PLXNA4: variants seen among roughly 807,000 people sequenced by gnomAD.
The protein encoded by PLXNA4 is plexin-A4.
PLXNA4 carries 44 observed loss-of-function variants against 191.8 expected under a neutral mutation model. The observed-to-expected ratio is 0.23, with a 90% CI of 0.18 to 0.29. The LOEUF (loss-of-function observed/expected upper bound fraction) is 0.29. Among genes scored for constraint, PLXNA4 ranks in the 10% least tolerant of loss-of-function variants. The pLI is 1.00. For synonymous variants in PLXNA4, 1,082 were observed against 1,009.5 expected (o/e 1.07, Z -1.36); for missense variants, 1,800 against 2,488.8 (o/e 0.72, Z 5.89).
chr7:132,601,207 A>T (rs1171567748), intron 2 of PLXNA4, among the ~76,000 whole-genome samples: 1 of 152,162 alleles, frequency 6.6e-6, no homozygotes, highest in Non-Finnish European at 1.5e-5. Context: ...TTCCTGAAGG[A>T]ATATTTAATG....
upstream of PLXNA4, among the ~76,000 whole-genome samples, chr7:132,578,203 C>G (rs910156994): frequency 1.3e-5 from 2 of 152,146 alleles, no homozygotes; most frequent in South Asian, 2.1e-4. Context: ...CAAGAGAAAC[C>G]GAAGGGATTC....
intron 1 of PLXNA4, among the ~76,000 whole-genome samples, chr7:132,570,494 C>A (rs1801929331): frequency 1.3e-5 from 2 of 152,178 alleles, no homozygotes; most frequent in African/African-American, 4.8e-5. Context: ...CTCCACACTA[C>A]CAAAAGGGAA....
chr7:132,134,257 C>A (rs1354812890), intron 30 of PLXNA4, among the ~76,000 whole-genome samples: 1 of 152,176 alleles, frequency 6.6e-6, no homozygotes, highest in Non-Finnish European at 1.5e-5. Flanking sequence ...TGCACCCCAG[C>A]CCTGTGTCTT....
At chr7:132,577,329 GC>G (rs1225485815), upstream of PLXNA4, 1 of 152,288 alleles carries the variant, frequency 6.6e-6, no homozygotes, top group African/African-American at 2.4e-5. Flanking sequence ...GCCCGGCCAA[GC>G]GCTGCAAAAA....
intron 3 of PLXNA4, among the ~76,000 whole-genome samples, chr7:132,318,341 A>G (rs1055245833): frequency 2.0e-5 from 3 of 152,228 alleles, no homozygotes; most frequent in African/African-American, 7.2e-5. Flanking sequence ...AAAAGAGCGC[A>G]ATACTGCCCA....
At chr7:132,280,976 C>G (rs565579005) in intron 4 of PLXNA4, among the ~76,000 whole-genome samples, 18 of 151,994 alleles carry the variant, frequency 1.2e-4, no homozygotes, top group African/African-American at 3.4e-4. Context: ...TCATTAGCAT[C>G]ATAGCACTAT....
chr7:132,129,411 T>C lies in PLXNA4; in HGVS notation c.*1068A>G. 6.6e-6 allele frequency: 1 copy of C among 152,162 alleles called. No individual in the cohort carries two copies. The highest frequency in any genetic ancestry group is 1.5e-5 in the Non-Finnish European group (1 of 68,016). The allele number at this position is 152,162 out of a possible 1,614,324, so 9.4% of individuals were successfully genotyped here. A position where few individuals can be genotyped will look rare whatever the true frequency, so the allele number is the denominator to read the frequency against. ...CTGTTGGCCCCAGCCGTCTATGGAG[T>C]TCTCAGGAAGGATGATGGGGATGGA... On this transcript the variant is annotated 3_prime_UTR_variant, in exon 32 of 32. Coordinates refer to ENST00000321063, the MANE Select transcript of PLXNA4 (RefSeq NM_020911.2).
At chr7:132,584,364 G>A (rs557924634) in intron 2 of PLXNA4, among the ~76,000 whole-genome samples, 1 of 152,302 alleles carries the variant, frequency 6.6e-6, no homozygotes, top group South Asian at 2.1e-4. Flanking sequence ...GCCAAGAGAT[G>A]CTGACGTGAC....
intron 2 of PLXNA4, among the ~76,000 whole-genome samples, chr7:132,604,471 T>A (rs1802885134): frequency 6.6e-6 from 1 of 152,208 alleles, no homozygotes; most frequent in African/African-American, 2.4e-5. Context: ...CAAAATAAGG[T>A]TCTCTGTCTC....
intron 1 of PLXNA4, among the ~76,000 whole-genome samples, chr7:132,534,576 C>A (rs1326754795): frequency 3.9e-5 from 6 of 152,154 alleles, no homozygotes; most frequent in Admixed American, 2.6e-4. Flanking sequence ...TGAGGAGGCA[C>A]AAAGAGCCTC....
chr7:132,461,904 G>A (rs139457343), intron 3 of PLXNA4, among the ~76,000 whole-genome samples: 188 of 152,330 alleles, frequency 1.2e-3, no homozygotes, highest in African/African-American at 4.0e-3. Context: ...GGCAAATGCC[G>A]ATCTACTAGG....
At chr7:132,465,007 C>A (rs934062194) in intron 3 of PLXNA4, among the ~76,000 whole-genome samples, 1 of 152,348 alleles carries the variant, frequency 6.6e-6, no homozygotes, top group African/African-American at 2.4e-5. Context: ...TCACTCAGAG[C>A]CTGACCCAGC....
chr7:132,466,699 C>T (rs182616060), intron 3 of PLXNA4, among the ~76,000 whole-genome samples: 11 of 152,298 alleles, frequency 7.2e-5, no homozygotes, highest in Middle Eastern at 6.8e-3. Flanking sequence ...TATGTGTAAC[C>T]CCCTCCCTCG....
In PLXNA4 at chr7:132,383,687, C is replaced by T. The variant is rs372975796; in HGVS notation, c.1372-85465G>A. ...TATAAATGAGTGTATATATCAATTCCAATTTTTGATAGACTAAATAAATGC... is the reference window on the plus strand; with the variant it reads ...TATAAATGAGTGTATATATCAATTCTAATTTTTGATAGACTAAATAAATGC... On this transcript the variant is annotated intron_variant, in intron 3 of 31. Coordinates refer to ENST00000321063, the MANE Select transcript of PLXNA4 (RefSeq NM_020911.2). 5.4e-4 allele frequency: 529 copies of T among 982,586 alleles called. 5 individuals carry two copies. In the South Asian group the frequency reaches 0.022, roughly 42 times the overall value. The allele number at this position is 982,586 out of a possible 1,614,324, so 60.9% of individuals were successfully genotyped here.
chr7:132,507,483 C>A, intron 2 of PLXNA4, 23 bp downstream of exon 2: 7 of 1,581,194 alleles, frequency 4.4e-6, no homozygotes, highest in Non-Finnish European at 6.0e-6. Flanking sequence ...ACCATCCCAG[C>A]GCGCAGCCCT....
chr7:132,605,314 T>C (rs1031576131), intron 2 of PLXNA4, among the ~76,000 whole-genome samples: 1 of 152,198 alleles, frequency 6.6e-6, no homozygotes, highest in Admixed American at 6.5e-5. Context: ...GCATTGCTTT[T>C]GTTATTTACT....
chr7:132,433,189 G>GA (rs1795338229), intron 3 of PLXNA4, among the ~76,000 whole-genome samples: 3 of 152,236 alleles, frequency 2.0e-5, no homozygotes, highest in South Asian at 2.1e-4. Flanking sequence ...AACTTGGGGG[G>GA]AAAAATCAAT....
At chr7:132,296,748 G>T (rs1801097134) in intron 4 of PLXNA4, among the ~76,000 whole-genome samples, 1 of 152,142 alleles carries the variant, frequency 6.6e-6, no homozygotes, top group East Asian at 1.9e-4. Context: ...GGCCTCAGAG[G>T]TGGGCTTGGA....
chr7:132,507,616 A>G lies in PLXNA4; in HGVS notation c.1078T>C (p.Leu360=), dbSNP rs1181636080. 1.2e-6 allele frequency: 2 copies of G among 1,614,210 alleles called. No individual in the cohort carries two copies. The highest frequency in any genetic ancestry group is 1.7e-5 in the Admixed American group (1 of 60,028). Residue 360 remains leucine, a synonymous_variant, in exon 2 of 32, where the codon TTG becomes CTG. Transcript: ENST00000321063. ...TTAATGCGGTCATTTATCTGCTTCA[A>G]GATGAAGATGCACAGGGCCGACTCA... ...LDESALCIFI[L]KQINDRIKER...
Sources: allele counts gnomAD v4.1 joint callset (sites outside exome capture counted in the v4.1 genomes callset), GRCh38; gene constraint gnomAD v4.1.1; transcripts MANE v1.5; gene names NCBI Gene and HGNC (gene_info 2026-07-23, HGNC 2026-07-21).